Variants in CSMD1 observed in about 807,000 individuals in gnomAD.
CSMD1 encodes CUB and sushi domain-containing protein 1.
CSMD1 carries 213 observed loss-of-function variants against 417.5 expected under a neutral mutation model. That is an observed-to-expected ratio of 0.51 (90% confidence interval 0.46 to 0.57). The LOEUF is 0.57. Ranked by LOEUF, CSMD1 falls within the 20% of genes least tolerant of loss-of-function variation. The pLI, the probability that CSMD1 is intolerant of heterozygous loss-of-function variation, is 0.00. For synonymous variants in CSMD1, 2,862 were observed against 1,736.8 expected (o/e 1.65, Z -16.11); for missense variants, 6,923 against 4,529.7 (o/e 1.53, Z -15.17).
At chr8:4,895,372 T>G (rs79459510) in intron 1 of CSMD1, among the ~76,000 whole-genome samples, 1 of 152,120 alleles carries the variant, frequency 6.6e-6, no homozygotes, top group East Asian at 1.9e-4. Flanking sequence ...CATGTTTAGC[T>G]CAGTATGATG....
intron 3 of CSMD1, among the ~76,000 whole-genome samples, chr8:4,210,178 C>T (rs1285471291): frequency 6.6e-6 from 1 of 152,212 alleles, no homozygotes; most frequent in Non-Finnish European, 1.5e-5. Context: ...TGCCTCAGCC[C>T]ATCTGTGGGA....
At chr8:2,974,397 T>C (rs1804738724) in intron 56 of CSMD1, 54 bp downstream of exon 56, 1 of 1,404,902 alleles carries the variant, frequency 7.1e-7, no homozygotes, top group East Asian at 2.4e-5. Flanking sequence ...AAATCACTAT[T>C]TGAAAAGTTA....
At chr8:3,081,467 CT>C (rs1165400320) in intron 49 of CSMD1, among the ~76,000 whole-genome samples, 2 of 151,988 alleles carry the variant, frequency 1.3e-5, no homozygotes, top group Admixed American at 6.6e-5. Flanking sequence ...AATTATTTTT[CT>C]TTTTTTACAG....
intron 5 of CSMD1, among the ~76,000 whole-genome samples, chr8:3,839,556 TTATAA>T (rs1442834754): frequency 3.0e-5 from 3 of 99,266 alleles, no homozygotes; most frequent in Non-Finnish European, 6.4e-5. Context: ...TATATATATA[TTATAA>T]TATATAATAT....
intron 5 of CSMD1, among the ~76,000 whole-genome samples, chr8:3,970,686 G>A (rs1013568922): frequency 2.0e-5 from 3 of 152,142 alleles, no homozygotes; most frequent in Non-Finnish European, 4.4e-5. Flanking sequence ...CTAATAAAAT[G>A]TATATTTATA....
intron 3 of CSMD1, among the ~76,000 whole-genome samples, chr8:4,202,378 T>G (rs1330871255): frequency 1.3e-5 from 2 of 152,228 alleles, no homozygotes; most frequent in Non-Finnish European, 2.9e-5. Flanking sequence ...CACACTTTTT[T>G]CTTCTAACAG....
chr8:3,968,705 G>C (rs1460014431), intron 5 of CSMD1, among the ~76,000 whole-genome samples: 2 of 152,060 alleles, frequency 1.3e-5, no homozygotes, highest in South Asian at 2.1e-4. Flanking sequence ...TTACTACAGG[G>C]TCTGTGTATT....
intron 3 of CSMD1, among the ~76,000 whole-genome samples, chr8:4,354,255 T>A (rs978851057): frequency 2.0e-5 from 3 of 152,176 alleles, no homozygotes; most frequent in African/African-American, 7.2e-5. Context: ...ACATTGTAGA[T>A]CACGGTGTTA....
At chr8:3,724,558 G>A (rs1454485315) in intron 6 of CSMD1, among the ~76,000 whole-genome samples, 3 of 152,052 alleles carry the variant, frequency 2.0e-5, no homozygotes, top group Admixed American at 6.6e-5. Flanking sequence ...AATGATCTGA[G>A]CACCCTTCCT....
intron 3 of CSMD1, among the ~76,000 whole-genome samples, chr8:4,078,361 C>G (rs1038101929): frequency 2.9e-5 from 4 of 138,810 alleles, no homozygotes; most frequent in Non-Finnish European, 6.0e-5. Flanking sequence ...GTGTCGCAGG[C>G]TGGAGTGCAG....
chr8:3,362,433 G>A (rs1191709565), intron 20 of CSMD1, among the ~76,000 whole-genome samples: 1 of 152,144 alleles, frequency 6.6e-6, no homozygotes, highest in Non-Finnish European at 1.5e-5. Context: ...TTTTAATACA[G>A]TTGAATGCTC....
At chr8:3,676,650 T>G (rs924389897) in intron 7 of CSMD1, among the ~76,000 whole-genome samples, 2 of 152,156 alleles carry the variant, frequency 1.3e-5, no homozygotes, top group South Asian at 4.1e-4. Context: ...CGCACACACA[T>G]GTGGGTAGAG....
intron 3 of CSMD1, among the ~76,000 whole-genome samples, chr8:4,394,814 A>C (rs954691315): frequency 6.6e-6 from 1 of 151,872 alleles, no homozygotes; most frequent in African/African-American, 2.4e-5. Flanking sequence ...GCTGACTTTA[A>C]ATTTCTGGAT....
intron 3 of CSMD1, among the ~76,000 whole-genome samples, chr8:4,352,308 T>C (rs1300881536): frequency 2.0e-5 from 3 of 152,346 alleles, no homozygotes; most frequent in East Asian, 3.9e-4. Context: ...AAAATAGAAC[T>C]ATCTATGCCA....
chr8:3,465,497 T>C (rs1047748343), intron 12 of CSMD1, among the ~76,000 whole-genome samples: 4 of 152,122 alleles, frequency 2.6e-5, no homozygotes, highest in African/African-American at 9.7e-5. Flanking sequence ...TTACTGTGTG[T>C]GCTGGCAGGG....
chr8:3,458,555 T>C (rs1163846645), intron 12 of CSMD1, among the ~76,000 whole-genome samples: 4 of 152,206 alleles, frequency 2.6e-5, no homozygotes, highest in African/African-American at 9.6e-5. Context: ...TGTTATTACT[T>C]GTTTGTTTTA....
intron 5 of CSMD1, among the ~76,000 whole-genome samples, chr8:3,956,171 T>C (rs890056583): frequency 6.6e-6 from 1 of 152,188 alleles, no homozygotes; most frequent in Non-Finnish European, 1.5e-5. Context: ...GCAAAAAGGT[T>C]GTACAATTTT....
chr8:4,017,197 T>C (rs555961801), intron 4 of CSMD1, among the ~76,000 whole-genome samples: 14 of 152,364 alleles, frequency 9.2e-5, no homozygotes, highest in African/African-American at 3.4e-4. Context: ...GATATCTTTT[T>C]TTAAAGTTTT....
chr8:2,992,421 G>C (rs1352006225), intron 54 of CSMD1, among the ~76,000 whole-genome samples: 1 of 151,866 alleles, frequency 6.6e-6, no homozygotes, highest in Non-Finnish European at 1.5e-5. Flanking sequence ...GATTTGCTTT[G>C]TTGTTGTTGC....
Sources: gnomAD v4.1 joint callset for allele counts (sites outside exome capture counted in the v4.1 genomes callset) on GRCh38, gnomAD v4.1.1 for gene constraint, MANE v1.5 for transcripts, NCBI Gene and HGNC (gene_info 2026-07-23, HGNC 2026-07-21) for gene names.